OR56B2: variants seen among roughly 807,000 people sequenced by gnomAD.
OR56B2 encodes the protein olfactory receptor 56B2.
the OR56B2 span, chr11:5,765,419 G>A: frequency 7.1e-6 from 1 of 141,308 alleles, no homozygotes; most frequent in African/African-American, 2.6e-5. Flanking sequence ...GCTTTGCTCA[G>A]ATGTATGCCA....
chr11:5,762,094 T>A, the OR56B2 span, among the ~76,000 whole-genome samples: 1 of 152,270 alleles, frequency 6.6e-6, no homozygotes, highest in Admixed American at 6.5e-5. Flanking sequence ...ATTGTAAGAA[T>A]AAATTGTACA....
At chr11:5,761,388 G>A in the OR56B2 span, 5 of 152,126 alleles carry the variant, frequency 3.3e-5, no homozygotes, top group Non-Finnish European at 4.4e-5. Flanking sequence ...TACACTTCAT[G>A]TCAAATTAAT....
the OR56B2 span, among the ~76,000 whole-genome samples, chr11:5,763,196 A>C: frequency 6.6e-6 from 1 of 152,056 alleles, no homozygotes; most frequent in East Asian, 1.9e-4. Flanking sequence ...AATATGTATA[A>C]TTTTATTTTT....
At chr11:5,764,898 G>C in the OR56B2 span, among the ~76,000 whole-genome samples, 1 of 139,586 alleles carries the variant, frequency 7.2e-6, no homozygotes, top group Non-Finnish European at 1.6e-5. Context: ...CTACCTTATA[G>C]AGTATTACAG....
At chr11:5,761,342 TA>T in the OR56B2 span, 1 of 152,294 alleles carries the variant, frequency 6.6e-6, no homozygotes, top group African/African-American at 2.4e-5. Flanking sequence ...GGCATCTACA[TA>T]ATGCTTCTTT....
the OR56B2 span, chr11:5,767,591 G>A: frequency 7.2e-6 from 1 of 138,520 alleles, no homozygotes; most frequent in African/African-American, 2.7e-5. Context: ...AATATATATA[G>A]AATAAAACTT....
chr11:5,763,792 C>T, the OR56B2 span, among the ~76,000 whole-genome samples: 4 of 139,880 alleles, frequency 2.9e-5, 1 homozygote, highest in Non-Finnish European at 4.7e-5. Context: ...AAATATCCCA[C>T]GCCTTTAGGT....
At chr11:5,762,733 TTAA>T in the OR56B2 span, among the ~76,000 whole-genome samples, 1 of 149,266 alleles carries the variant, frequency 6.7e-6, no homozygotes, top group African/African-American at 2.4e-5. Context: ...CATTTATGTA[TTAA>T]TAAAAAAAGA....
the OR56B2 span, chr11:5,765,398 T>C: frequency 1.4e-5 from 2 of 141,246 alleles, 1 homozygote; most frequent in South Asian, 4.7e-4. Context: ...AGACCATCAG[T>C]CTCCTGGAGT....
chr11:5,762,542 T>C, the OR56B2 span, among the ~76,000 whole-genome samples: 1 of 152,046 alleles, frequency 6.6e-6, no homozygotes, highest in Non-Finnish European at 1.5e-5. Context: ...TTGCAAGAGA[T>C]TTACATTTAA....
chr11:5,762,626 A>C, the OR56B2 span, among the ~76,000 whole-genome samples: 1 of 152,128 alleles, frequency 6.6e-6, no homozygotes, highest in Non-Finnish European at 1.5e-5. Context: ...GACTGACTAA[A>C]GTTAACAATA....
the OR56B2 span, among the ~76,000 whole-genome samples, chr11:5,768,283 C>T: frequency 7.2e-6 from 1 of 139,432 alleles, no homozygotes; most frequent in Admixed American, 7.4e-5. Flanking sequence ...TATGTGTACA[C>T]ATTAGGTAGT....
chr11:5,763,735 G>C, the OR56B2 span, among the ~76,000 whole-genome samples: 2 of 140,344 alleles, frequency 1.4e-5, no homozygotes, highest in Admixed American at 1.5e-4. Flanking sequence ...TAAATTGAGT[G>C]CTTATTAAGT....
At chr11:5,765,701 CA>C in the OR56B2 span, 2 of 140,038 alleles carry the variant, frequency 1.4e-5, no homozygotes, top group Non-Finnish European at 3.2e-5. Flanking sequence ...ATCGAAGAAT[CA>C]ATAGCATTAA....
At chr11:5,764,935 T>C in the OR56B2 span, among the ~76,000 whole-genome samples, 1 of 140,344 alleles carries the variant, frequency 7.1e-6, no homozygotes, top group Non-Finnish European at 1.6e-5. Context: ...TCACAGAGAA[T>C]GTACCTAATA....
chr11:5,763,387 C>T, the OR56B2 span, among the ~76,000 whole-genome samples: 1 of 91,644 alleles, frequency 1.1e-5, no homozygotes, highest in Non-Finnish European at 2.5e-5. Context: ...CATCTCAGCT[C>T]ACCGCAACCT....
the OR56B2 span, among the ~76,000 whole-genome samples, chr11:5,764,097 T>C: frequency 4.3e-5 from 6 of 141,044 alleles, 2 homozygotes; most frequent in East Asian, 1.2e-3. Context: ...ATCCTTAATA[T>C]TTTAAATACT....
At chr11:5,762,515 C>T in the OR56B2 span, among the ~76,000 whole-genome samples, 15 of 152,048 alleles carry the variant, frequency 9.9e-5, no homozygotes, top group African/African-American at 3.1e-4. Context: ...TATTTATGAT[C>T]GGTAATCTCT....
the OR56B2 span, chr11:5,766,937 G>T: frequency 3.6e-5 from 5 of 139,918 alleles, no homozygotes; most frequent in African/African-American, 1.3e-4. Flanking sequence ...AATGTTTACA[G>T]TAGCATTATT....
Sources: allele counts gnomAD v4.1 joint callset (sites outside exome capture counted in the v4.1 genomes callset), GRCh38; gene constraint gnomAD v4.1.1; transcripts MANE v1.5; gene names NCBI Gene and HGNC (gene_info 2026-07-23, HGNC 2026-07-21).